Variants in VEPH1 observed in about 807,000 individuals in gnomAD.
VEPH1 encodes the protein ventricular zone-expressed PH domain-containing protein homolog 1.
In VEPH1, 80 loss-of-function variants were observed where a neutral mutation model predicts 85.2. The observed-to-expected ratio is 0.94, with a 90% CI of 0.78 to 1.13. The LOEUF (loss-of-function observed/expected upper bound fraction) is 1.13, where lower values mean the gene tolerates loss of function less well. Among genes scored for constraint, VEPH1 ranks in the 50% most tolerant of loss-of-function variants. The pLI is 0.00. For missense variants in VEPH1, 955 were observed against 980.5 expected (o/e 0.97, Z 0.35); for synonymous variants, 297 against 348.0 (o/e 0.85, Z 1.63).
rs115220181 is a variant in VEPH1, at chr3:157,419,284, A to T, written c.697-5194T>A. ...ACATAGGCACAGGCAAAGATTCATGATGAAAACATCAAAACCAATTGCAAC... is the reference window on the plus strand; with the variant it reads ...ACATAGGCACAGGCAAAGATTCATGTTGAAAACATCAAAACCAATTGCAAC... On this transcript the variant is annotated intron_variant, in intron 5 of 13. Transcript: ENST00000362010. Among the ~76,000 whole-genome samples the T allele has an allele frequency of 3.1e-3, 467 of 152,348 alleles. 4 individuals carry two copies. The highest frequency in any genetic ancestry group is 0.011 in the African/African-American group (446 of 41,588).
rs530605607 is a variant in VEPH1 at position 157,269,931 on chromosome 3, C to T, written c.2129-4269G>A. Among the ~76,000 whole-genome samples the T allele has an allele frequency of 5.8e-4, 88 of 152,082 alleles. 2 individuals are homozygous for T. In the South Asian group the frequency reaches 0.017, roughly 29 times the overall value. On this transcript the variant is annotated intron_variant, in intron 12 of 13. Transcript: ENST00000362010. ...TCATTTTCTCACTTTCCAATTAACA[C>T]ATTATTTCATTTAAAGCACCACAAT... is the stretch of plus-strand genomic sequence containing the variant.
In VEPH1 at chr3:157,470,315, T is replaced by C. The variant is rs1027808184; in HGVS notation, c.353A>G (p.Gln118Arg). The change falls in exon 3 of 14, where the codon CAG (glutamine) becomes CGG (arginine). Residue 118 changes from glutamine (Q) to arginine (R), a missense_variant and splice_region_variant. By Grantham distance (43) the Gln-to-Arg change is conservative. Coordinates refer to ENST00000362010, the MANE Select transcript of VEPH1 (RefSeq NM_001167912.2). Reference sequence around the variant, plus strand: ...GCCTGATGTTGAACACTGACATACCTGTAAAATGCAACTCATGATATCAGA... The same window carrying C: ...GCCTGATGTTGAACACTGACATACCCGTAAAATGCAACTCATGATATCAGA... ...IASDIMSCIL[Q>R]NYNRPPVMAL... The C allele has an allele frequency of 6.2e-7, 1 of 1,614,034 alleles. No individual in the cohort carries two copies. The highest frequency in any genetic ancestry group is 2.2e-5 in the East Asian group (1 of 44,872).
At chr3:157,352,711 C>G (rs979556251) in intron 9 of VEPH1, among the ~76,000 whole-genome samples, 2 of 152,114 alleles carry the variant, frequency 1.3e-5, no homozygotes, top group African/African-American at 4.8e-5. Context: ...ACAAAAAAAC[C>G]TTGGCTGAAT....
chr3:157,470,852 C>A (rs1326372200), intron 2 of VEPH1, among the ~76,000 whole-genome samples: 1 of 152,162 alleles, frequency 6.6e-6, no homozygotes, highest in Non-Finnish European at 1.5e-5. Flanking sequence ...CATTACAGGG[C>A]AGGGGTTACT....
chr3:157,306,624 C>T (rs1276281130), intron 11 of VEPH1, among the ~76,000 whole-genome samples: 1 of 151,924 alleles, frequency 6.6e-6, no homozygotes, highest in East Asian at 1.9e-4. Flanking sequence ...TATTTCTGTA[C>T]ATGTTTTCTG....
chr3:157,473,972 T>A (rs1264799545), intron 2 of VEPH1, among the ~76,000 whole-genome samples: 1 of 152,188 alleles, frequency 6.6e-6, no homozygotes, highest in African/African-American at 2.4e-5. Context: ...CTGGAACATG[T>A]TGTACTGGAT....
At chr3:157,472,028 C>G (rs1005649472) in intron 2 of VEPH1, among the ~76,000 whole-genome samples, 2 of 149,392 alleles carry the variant, frequency 1.3e-5, no homozygotes, top group Non-Finnish European at 2.9e-5. Context: ...CAGCGCTGTT[C>G]CTCATCCGTC....
intron 11 of VEPH1, among the ~76,000 whole-genome samples, chr3:157,290,914 A>G (rs565986384): frequency 1.3e-5 from 2 of 152,340 alleles, no homozygotes; most frequent in South Asian, 4.1e-4. Context: ...CATTTCACTG[A>G]CAAATGACAG....
intron 4 of VEPH1, among the ~76,000 whole-genome samples, chr3:157,441,869 T>C (rs547610910): frequency 6.6e-6 from 1 of 151,528 alleles, no homozygotes; most frequent in East Asian, 1.9e-4. Flanking sequence ...TGCTGAAAAA[T>C]GCATGTTGGT....
intron 2 of VEPH1, among the ~76,000 whole-genome samples, chr3:157,478,474 T>G (rs1737705910): frequency 6.6e-6 from 1 of 152,154 alleles, no homozygotes; most frequent in African/African-American, 2.4e-5. Flanking sequence ...AATAGTTTAT[T>G]AATAAATGGC....
intron 6 of VEPH1, among the ~76,000 whole-genome samples, chr3:157,386,309 G>GT (rs146176388): frequency 0.036 from 5,079 of 139,894 alleles, 305 homozygotes; most frequent in African/African-American, 0.13. Context: ...ATAACACAAG[G>GT]TTTTTTTTTC....
At chr3:157,300,730 T>G (rs1353207245) in intron 11 of VEPH1, among the ~76,000 whole-genome samples, 2 of 152,190 alleles carry the variant, frequency 1.3e-5, no homozygotes, top group African/African-American at 4.8e-5. Context: ...GAACTGTCAG[T>G]TAAGTTCAAT....
chr3:157,476,923 A>G (rs1306600753), intron 2 of VEPH1, among the ~76,000 whole-genome samples: 1 of 152,228 alleles, frequency 6.6e-6, no homozygotes, highest in Non-Finnish European at 1.5e-5. Context: ...TAGATCCCTC[A>G]AGAAAGTGCA....
At chr3:157,352,383 T>C (rs1214033002) in intron 9 of VEPH1, among the ~76,000 whole-genome samples, 1 of 152,212 alleles carries the variant, frequency 6.6e-6, no homozygotes, top group Non-Finnish European at 1.5e-5. Flanking sequence ...TTGTTTGAAA[T>C]AGATAACTTT....
chr3:157,310,181 T>C, intron 11 of VEPH1, among the ~76,000 whole-genome samples: 1 of 152,210 alleles, frequency 6.6e-6, no homozygotes, highest in South Asian at 2.1e-4. Flanking sequence ...AGTAGAAAAG[T>C]ACAATAACTT....
intron 7 of VEPH1, among the ~76,000 whole-genome samples, chr3:157,374,746 G>A (rs1382785056): frequency 6.6e-6 from 1 of 152,116 alleles, no homozygotes; most frequent in African/African-American, 2.4e-5. Flanking sequence ...CTGGAGTCTT[G>A]GTTCTGAATG....
chr3:157,395,737 G>A (rs191262959), intron 6 of VEPH1, among the ~76,000 whole-genome samples: 9 of 151,970 alleles, frequency 5.9e-5, no homozygotes, highest in African/African-American at 2.2e-4. Flanking sequence ...TTAGGTTTGG[G>A]GGTGCAAGTG....
intron 2 of VEPH1, among the ~76,000 whole-genome samples, chr3:157,487,259 T>C (rs1166286121): frequency 6.6e-6 from 1 of 152,072 alleles, no homozygotes; most frequent in Non-Finnish European, 1.5e-5. Flanking sequence ...TTTGAAAATA[T>C]GGGTAAGATA....
rs1288970026 is a variant in VEPH1, at chr3:157,353,101, G to C, written c.1735+10263C>G. The stretch of plus-strand genomic sequence containing the variant: ...TGGGACTGGAACCCAATTTAGATAG[G>C]ACGCTGGGCATCTGGAGTTATTACC... On this transcript the variant is annotated intron_variant, in intron 9 of 13. Coordinates refer to ENST00000362010, the MANE Select transcript of VEPH1 (RefSeq NM_001167912.2). Among the ~76,000 whole-genome samples, 3 of 152,240 alleles carry C rather than the reference G, an allele frequency of 2.0e-5. No individual in the cohort carries two copies. In the East Asian group the frequency reaches 5.8e-4, roughly 29 times the overall value.
Sources: allele counts gnomAD v4.1 joint callset (sites outside exome capture counted in the v4.1 genomes callset), GRCh38; gene constraint gnomAD v4.1.1; transcripts MANE v1.5; gene names NCBI Gene and HGNC (gene_info 2026-07-23, HGNC 2026-07-21).